Variants in SPAG16 observed in about 807,000 individuals in gnomAD.
SPAG16 encodes the protein sperm-associated antigen 16 protein.
Under a neutral mutation model 80.4 loss-of-function variants are expected in SPAG16, and 86 were observed. The ratio of observed to expected loss-of-function variants is 1.07; its 90% confidence interval spans 0.90 to 1.28. The LOEUF (loss-of-function observed/expected upper bound fraction) is 1.28. SPAG16 is among the 50% of genes most tolerant of loss of function. SPAG16 has a pLI of 0.00. For missense variants in SPAG16, 870 were observed against 765.3 expected (o/e 1.14, Z -1.61); for synonymous variants, 294 against 265.9 (o/e 1.11, Z -1.03).
chr2:213,830,035 C>T (rs1450360622), intron 10 of SPAG16, among the ~76,000 whole-genome samples: 4 of 152,094 alleles, frequency 2.6e-5, no homozygotes, highest in African/African-American at 9.7e-5. Flanking sequence ...GTCACACGAC[C>T]CCAAGTCCAC....
At chr2:213,891,275 G>A (rs2076777457) in intron 11 of SPAG16, among the ~76,000 whole-genome samples, 1 of 152,044 alleles carries the variant, frequency 6.6e-6, no homozygotes, top group South Asian at 2.1e-4. Context: ...TCATTGGCAT[G>A]CATGCTGTAT....
chr2:213,699,547 T>A (rs754240871), intron 10 of SPAG16, among the ~76,000 whole-genome samples: 16 of 152,172 alleles, frequency 1.1e-4, no homozygotes, highest in Non-Finnish European at 1.9e-4. Flanking sequence ...AGAGTCCTTA[T>A]CTATGGACTG....
chr2:213,597,853 G>A (rs1320748350), intron 10 of SPAG16, among the ~76,000 whole-genome samples: 1 of 152,196 alleles, frequency 6.6e-6, no homozygotes, highest in African/African-American at 2.4e-5. Flanking sequence ...TTTTATGGGG[G>A]AGATTTGCAT....
At chr2:213,907,736 G>C (rs1198157807) in intron 11 of SPAG16, among the ~76,000 whole-genome samples, 1 of 152,104 alleles carries the variant, frequency 6.6e-6, no homozygotes, top group Non-Finnish European at 1.5e-5. Flanking sequence ...TATGAGCCTG[G>C]AGGACGTTAT....
At chr2:214,060,371 A>G (rs1476630506) in intron 13 of SPAG16, among the ~76,000 whole-genome samples, 2 of 152,178 alleles carry the variant, frequency 1.3e-5, no homozygotes, top group African/African-American at 2.4e-5. Flanking sequence ...TAATGTGACT[A>G]TATATCTCTA....
At chr2:214,242,632 C>T (rs1457225843) in intron 15 of SPAG16, among the ~76,000 whole-genome samples, 1 of 151,990 alleles carries the variant, frequency 6.6e-6, no homozygotes, top group Non-Finnish European at 1.5e-5. Context: ...GTAGAAGAAT[C>T]TCCCTAATCA....
At chr2:214,232,794 A>G (rs930324826) in intron 15 of SPAG16, among the ~76,000 whole-genome samples, 1 of 152,046 alleles carries the variant, frequency 6.6e-6, no homozygotes, top group African/African-American at 2.4e-5. Context: ...TTACATAAAA[A>G]CAGCATCATC....
At chr2:214,366,957 A>T (rs771979552) in intron 15 of SPAG16, among the ~76,000 whole-genome samples, 53 of 152,180 alleles carry the variant, frequency 3.5e-4, no homozygotes, top group Admixed American at 6.5e-4. Context: ...TTAAACTCTG[A>T]AGCCCAATTA....
In SPAG16 at chr2:213,362,814, T is replaced by C. The variant is rs186464744; in HGVS notation, c.763-1262T>C. Among the ~76,000 whole-genome samples, 3 of 152,332 alleles carry C rather than the reference T, an allele frequency of 2.0e-5. No individual in the cohort carries two copies. In the East Asian group the frequency reaches 5.8e-4, roughly 29 times the overall value. On this transcript the variant is annotated intron_variant, in intron 7 of 15. Coordinates refer to ENST00000331683, the MANE Select transcript of SPAG16 (RefSeq NM_024532.5). ...GGGTAATTTATAAGGAAAAGAGGTT[T>C]ATTTGGCGCATGGTTCTGCAGGCTG...
At chr2:213,581,055 C>A (rs1191454098) in intron 10 of SPAG16, among the ~76,000 whole-genome samples, 1 of 151,722 alleles carries the variant, frequency 6.6e-6, no homozygotes, top group Non-Finnish European at 1.5e-5. Flanking sequence ...AAAATAGTAC[C>A]CAGTCTTACA....
chr2:213,683,845 T>C (rs1398859145), intron 10 of SPAG16, among the ~76,000 whole-genome samples: 1 of 152,238 alleles, frequency 6.6e-6, no homozygotes, highest in Non-Finnish European at 1.5e-5. Context: ...AAAGTTGTTC[T>C]CATTTGCAAT....
At chr2:213,724,394 C>T (rs2066660277) in intron 10 of SPAG16, among the ~76,000 whole-genome samples, 1 of 151,740 alleles carries the variant, frequency 6.6e-6, no homozygotes, top group Admixed American at 6.6e-5. Context: ...AAAATGTTAC[C>T]CTGGAATTTC....
intron 15 of SPAG16, among the ~76,000 whole-genome samples, chr2:214,294,964 G>C (rs1401536406): frequency 6.6e-6 from 1 of 152,262 alleles, no homozygotes; most frequent in East Asian, 1.9e-4. Flanking sequence ...TGATTTATTG[G>C]AAAAGAATGA....
intron 10 of SPAG16, among the ~76,000 whole-genome samples, chr2:213,641,013 T>C (rs906938909): frequency 6.6e-6 from 1 of 152,136 alleles, no homozygotes; most frequent in African/African-American, 2.4e-5. Flanking sequence ...AGAGTTTGTG[T>C]CTTTTGTGTT....
chr2:213,389,473 A>G (rs1416397394), intron 9 of SPAG16, among the ~76,000 whole-genome samples: 1 of 152,186 alleles, frequency 6.6e-6, no homozygotes, highest in East Asian at 1.9e-4. Flanking sequence ...GGCAACCAAT[A>G]GAATGGGAGA....
chr2:214,060,240 A>C (rs1165569974), intron 13 of SPAG16, among the ~76,000 whole-genome samples: 1 of 152,188 alleles, frequency 6.6e-6, no homozygotes, highest in Non-Finnish European at 1.5e-5. Context: ...TCCAGCTTGC[A>C]TGCACCATAT....
intron 9 of SPAG16, among the ~76,000 whole-genome samples, chr2:213,401,371 T>A (rs1015512986): frequency 3.9e-5 from 6 of 152,254 alleles, no homozygotes; most frequent in African/African-American, 1.4e-4. Flanking sequence ...TTTTGTTTAT[T>A]TCCGTTGTTT....
intron 13 of SPAG16, among the ~76,000 whole-genome samples, chr2:214,035,817 C>T (rs59354451): frequency 0.11 from 16,519 of 152,162 alleles, 1,105 homozygotes; most frequent in East Asian, 0.23. Context: ...CAGAGCTGTG[C>T]CCAGGGAGCA....
chr2:213,489,748 T>C (rs1225199250), intron 9 of SPAG16, among the ~76,000 whole-genome samples: 1 of 151,784 alleles, frequency 6.6e-6, no homozygotes, highest in Non-Finnish European at 1.5e-5. Context: ...ACATGAGGCT[T>C]AGAATTGAAA....
Sources: allele counts gnomAD v4.1 joint callset (sites outside exome capture counted in the v4.1 genomes callset), GRCh38; gene constraint gnomAD v4.1.1; transcripts MANE v1.5; gene names NCBI Gene and HGNC (gene_info 2026-07-23, HGNC 2026-07-21).